The following DIAPH2 variants were observed in gnomAD, a reference collection of about 807,000 sequenced individuals.
DIAPH2 encodes protein diaphanous homolog 2.
Under a neutral mutation model 92.7 loss-of-function variants are expected in DIAPH2, and 35 were observed. That is an observed-to-expected ratio of 0.38 (90% confidence interval 0.29 to 0.50). The LOEUF (loss-of-function observed/expected upper bound fraction) is 0.50, where lower values mean the gene tolerates loss of function less well. Ranked by LOEUF, DIAPH2 falls within the 20% of genes least tolerant of loss-of-function variation. The pLI, the probability that DIAPH2 is intolerant of heterozygous loss-of-function variation, is 0.94. For synonymous variants in DIAPH2, 301 were observed against 280.4 expected, an observed-to-expected ratio of 1.07 and a Z score of -0.73; for missense variants, 701 against 819.5, an observed-to-expected ratio of 0.86 and a Z score of 1.77.
At chrX:97,387,091 G>A (rs1156736022) in intron 25 of DIAPH2, among the ~76,000 whole-genome samples, 1 of 111,032 alleles carries the variant, frequency 9.0e-6, no homozygotes, top group African/African-American at 3.3e-5. Flanking sequence ...TTGAGACAGG[G>A]TCTCACTCTG....
chrX:97,288,385 G>A (rs1418229213), intron 23 of DIAPH2, among the ~76,000 whole-genome samples: 1 of 111,061 alleles, frequency 9.0e-6, no homozygotes, highest in African/African-American at 3.3e-5. Flanking sequence ...ATGATGAACT[G>A]TGGGGCCATG....
intron 25 of DIAPH2, among the ~76,000 whole-genome samples, chrX:97,405,088 A>G (rs1027240878): frequency 1.8e-5 from 2 of 112,156 alleles, no homozygotes; most frequent in Non-Finnish European, 3.8e-5. Flanking sequence ...AAAAATAAAC[A>G]TGTATTCTCT....
intron 22 of DIAPH2, among the ~76,000 whole-genome samples, chrX:97,151,848 T>G (rs747558117): frequency 2.2e-4 from 25 of 111,584 alleles, no homozygotes; most frequent in Non-Finnish European, 4.0e-4. Context: ...ACTCCTGAAG[T>G]AAAACACAGG....
At chrX:96,854,602 T>C (rs2065026482) in intron 4 of DIAPH2, among the ~76,000 whole-genome samples, 1 of 41,571 alleles carries the variant, frequency 2.4e-5, no homozygotes, top group African/African-American at 1.3e-4. Context: ...CTCTCTCATA[T>C]ATATATATAT....
At chrX:96,772,712 G>GA (rs1179983690) in intron 4 of DIAPH2, among the ~76,000 whole-genome samples, 2 of 111,629 alleles carry the variant, frequency 1.8e-5, no homozygotes, top group African/African-American at 3.2e-5. Context: ...AAACAATATA[G>GA]AAAAAAATGA....
At chrX:97,173,353 A>G (rs2067467932) in intron 22 of DIAPH2, among the ~76,000 whole-genome samples, 1 of 111,757 alleles carries the variant, frequency 8.9e-6, no homozygotes, top group Admixed American at 9.6e-5. Flanking sequence ...GTGAGCTGAA[A>G]TGGTACCACT....
At chrX:97,595,579 T>A (rs955062512) in intron 26 of DIAPH2, among the ~76,000 whole-genome samples, 2 of 109,723 alleles carry the variant, frequency 1.8e-5, no homozygotes, top group African/African-American at 6.6e-5. Context: ...TTCTTTTTCC[T>A]CTCTTTCTTT....
rs1006520874 is a variant in DIAPH2, at chrX:97,355,520, C to T, written c.3009+7240C>T. 7.2e-5 allele frequency among the ~76,000 whole-genome samples: 8 copies of T among 111,013 alleles called. No homozygotes were observed. The Admixed American group carries it at 7.7e-4, about 11-fold the overall frequency. ...ATGTAAATTCTGATATCTAGAATTT[C>T]ATCATCCAGAAATTTCTATTAGATG... is the stretch of plus-strand genomic sequence containing the variant. On this transcript the variant is annotated intron_variant, in intron 24 of 26. Transcript: ENST00000324765.
At chrX:97,472,686 T>C (rs891961650) in intron 26 of DIAPH2, among the ~76,000 whole-genome samples, 51 of 112,370 alleles carry the variant, frequency 4.5e-4, no homozygotes, top group African/African-American at 1.6e-3. Flanking sequence ...TCAGTATAAG[T>C]ATCTTATCCT....
intron 3 of DIAPH2, among the ~76,000 whole-genome samples, chrX:96,746,765 T>C (rs758388441): frequency 4.7e-4 from 52 of 110,608 alleles, no homozygotes; most frequent in Non-Finnish European, 8.7e-4. Flanking sequence ...CAGGCTGATC[T>C]TGAACTCCTG....
In DIAPH2 at chrX:97,603,833, C is replaced by T. The variant is rs764939334; in HGVS notation, c.*4516C>T. ...CCTTTAACATTCATACTACTACCATCTGGTAAAGGCAATCTAGTTTTTTCT... is the reference window on the plus strand; with the variant it reads ...CCTTTAACATTCATACTACTACCATTTGGTAAAGGCAATCTAGTTTTTTCT... On this transcript the variant is annotated 3_prime_UTR_variant, in exon 27 of 27. Coordinates refer to ENST00000324765, the MANE Select transcript of DIAPH2 (RefSeq NM_006729.5). 2 of 112,088 alleles carry T rather than the reference C, an allele frequency of 1.8e-5. No homozygotes were observed. The highest frequency in any genetic ancestry group is 5.6e-4 in the East Asian group (2 of 3,578). 9.2% of individuals were successfully genotyped at this position (112,088 alleles called of 1,213,427 possible). A position where few individuals can be genotyped will look rare whatever the true frequency, so the allele number is the denominator to read the frequency against.
intron 5 of DIAPH2, among the ~76,000 whole-genome samples, chrX:96,899,745 C>T (rs2065378729): frequency 9.1e-6 from 1 of 109,597 alleles, no homozygotes; most frequent in South Asian, 4.1e-4. Flanking sequence ...ATTGCCCTGG[C>T]CAGAACTTCC....
chrX:97,236,042 TA>T (rs1161890417), intron 22 of DIAPH2, among the ~76,000 whole-genome samples: 1 of 111,905 alleles, frequency 8.9e-6, no homozygotes, highest in Non-Finnish European at 1.9e-5. Context: ...GTCTGACCTA[TA>T]ACCCTATTAC....
intron 26 of DIAPH2, among the ~76,000 whole-genome samples, chrX:97,434,563 C>T (rs891523083): frequency 1.0e-5 from 1 of 96,398 alleles, no homozygotes; most frequent in Non-Finnish European, 2.1e-5. Flanking sequence ...CACACGCCAC[C>T]GCACCCAGCT....
chrX:97,333,230 G>GTAC (rs1290579060), intron 23 of DIAPH2, among the ~76,000 whole-genome samples: 1 of 111,672 alleles, frequency 9.0e-6, no homozygotes, highest in African/African-American at 3.3e-5. Flanking sequence ...CTTGCTCCTT[G>GTAC]TACTTCTTAC....
At chrX:96,800,575 A>G (rs1238397787) in intron 4 of DIAPH2, among the ~76,000 whole-genome samples, 1 of 112,094 alleles carries the variant, frequency 8.9e-6, no homozygotes, top group Non-Finnish European at 1.9e-5. Context: ...ACAGCTCTCA[A>G]AGCTGGGTTT....
chrX:96,859,369 A>G (rs957387600), intron 4 of DIAPH2, among the ~76,000 whole-genome samples: 7 of 110,381 alleles, frequency 6.3e-5, no homozygotes, highest in Non-Finnish European at 1.3e-4. Flanking sequence ...TAACATAATT[A>G]TAAATAAAAA....
intron 26 of DIAPH2, among the ~76,000 whole-genome samples, chrX:97,505,478 T>C (rs1485564370): frequency 2.7e-5 from 3 of 112,019 alleles, no homozygotes; most frequent in African/African-American, 9.7e-5. Context: ...TTGAACAACC[T>C]CTTTTGCACA....
chrX:97,051,857 C>A (rs2147894722), intron 17 of DIAPH2, among the ~76,000 whole-genome samples: 1 of 111,490 alleles, frequency 9.0e-6, no homozygotes, highest in Non-Finnish European at 1.9e-5. Flanking sequence ...CTGTTTTGCT[C>A]AAAAATAAAA....
Sources: allele counts gnomAD v4.1 joint callset (sites outside exome capture counted in the v4.1 genomes callset), GRCh38; gene constraint gnomAD v4.1.1; transcripts MANE v1.5; gene names NCBI Gene and HGNC (gene_info 2026-07-23, HGNC 2026-07-21).